Variants in DCC observed in about 807,000 individuals in gnomAD.
DCC encodes netrin receptor DCC.
In DCC, 58 loss-of-function variants were observed where a neutral mutation model predicts 172.5. The ratio of observed to expected loss-of-function variants is 0.34; its 90% confidence interval spans 0.27 to 0.42. The LOEUF (loss-of-function observed/expected upper bound fraction) is 0.42, where lower values mean the gene tolerates loss of function less well. Ranked by LOEUF, DCC falls within the 10% of genes least tolerant of loss-of-function variation. DCC has a pLI of 1.00. For synonymous variants in DCC, 709 were observed against 644.5 expected (o/e 1.10, Z -1.52); for missense variants, 1,740 against 1,791.0 (o/e 0.97, Z 0.51).
chr18:53,433,525 A>T (rs1911753302), intron 21 of DCC, among the ~76,000 whole-genome samples: 1 of 152,144 alleles, frequency 6.6e-6, no homozygotes, highest in Admixed American at 6.5e-5. Context: ...CTGCTTTGCA[A>T]TCTAGCTGCT....
intron 5 of DCC, among the ~76,000 whole-genome samples, chr18:52,955,765 A>G (rs1484146526): frequency 1.3e-5 from 2 of 151,928 alleles, no homozygotes; most frequent in South Asian, 2.1e-4. Flanking sequence ...ATGGTACCAC[A>G]TTTTTTGTTT....
intron 12 of DCC, among the ~76,000 whole-genome samples, chr18:53,290,613 G>A (rs552574758): frequency 1.3e-4 from 20 of 152,096 alleles, no homozygotes; most frequent in South Asian, 4.2e-4. Flanking sequence ...AAGATAGGCC[G>A]CTGTTAATAG....
intron 5 of DCC, among the ~76,000 whole-genome samples, chr18:52,925,994 C>G (rs1179783760): frequency 6.6e-6 from 1 of 151,746 alleles, no homozygotes; most frequent in Non-Finnish European, 1.5e-5. Context: ...CAAACAAACA[C>G]ATATTTTTAT....
At chr18:52,785,977 A>C (rs2037649463) in intron 2 of DCC, among the ~76,000 whole-genome samples, 1 of 152,136 alleles carries the variant, frequency 6.6e-6, no homozygotes, top group African/African-American at 2.4e-5. Context: ...GATAATAATT[A>C]AGCAAAATAC....
chr18:52,504,440 G>A (rs956936779), intron 1 of DCC, among the ~76,000 whole-genome samples: 6 of 152,162 alleles, frequency 3.9e-5, no homozygotes, highest in Middle Eastern at 3.4e-3. Flanking sequence ...AAGCAAGTTC[G>A]TTCAGCTTTG....
intron 2 of DCC, among the ~76,000 whole-genome samples, chr18:52,820,921 C>T (rs573359353): frequency 1.3e-5 from 2 of 152,266 alleles, no homozygotes; most frequent in Non-Finnish European, 2.9e-5. Context: ...CTTCCCTGAA[C>T]TCTGAACAGC....
chr18:53,108,177 A>G (rs951476406), intron 7 of DCC, among the ~76,000 whole-genome samples: 7 of 2,970 alleles, frequency 2.4e-3, no homozygotes, highest in Non-Finnish European at 4.3e-3. Flanking sequence ...AGACATACAC[A>G]GAAAAACACA....
rs530526885 is a variant in DCC at position 52,981,023 on chromosome 18, A to G, written c.985+55653A>G. Among the ~76,000 whole-genome samples the G allele has an allele frequency of 1.4e-4, 22 of 151,766 alleles. No individual in the cohort carries two copies. In the South Asian group the frequency reaches 3.5e-3, roughly 24 times the overall value. On this transcript the variant is annotated intron_variant, in intron 5 of 28. Coordinates refer to ENST00000442544, the MANE Select transcript of DCC (RefSeq NM_005215.4). ...GCCGGTATTTTCCAAATTTGAGCCT[A>G]TACATTTTTCTTTAAGAAAAGAAAT...
rs1911141178 is a variant in DCC at position 53,428,061 on chromosome 18, T to G, written c.3164-7083T>G. On this transcript the variant is annotated intron_variant, in intron 21 of 28. Coordinates refer to ENST00000442544, the MANE Select transcript of DCC (RefSeq NM_005215.4). Reference sequence around the variant, plus strand: ...TATAATAATATATTATAATAATGTGTCATATATCATATAATATATTATAAT... The same window carrying G: ...TATAATAATATATTATAATAATGTGGCATATATCATATAATATATTATAAT... Among the ~76,000 whole-genome samples the G allele has an allele frequency of 5.7e-5, 2 of 34,892 alleles. 1 individual carries two copies. Among genetic ancestry groups the G allele is most frequent in the Non-Finnish European group, 1.5e-4 (2 of 12,926 alleles). The allele number at this position is 34,892 out of a possible 152,430, so 22.9% of individuals were successfully genotyped here. A position where few individuals can be genotyped will look rare whatever the true frequency, so the allele number is the denominator to read the frequency against.
intron 1 of DCC, among the ~76,000 whole-genome samples, chr18:52,695,993 A>C (rs907603075): frequency 6.6e-6 from 1 of 152,188 alleles, no homozygotes; most frequent in Non-Finnish European, 1.5e-5. Flanking sequence ...CCATACTCAA[A>C]GTTTTTATTC....
At chr18:52,346,608 A>G (rs1208083744) in intron 1 of DCC, among the ~76,000 whole-genome samples, 1 of 152,184 alleles carries the variant, frequency 6.6e-6, no homozygotes, top group African/African-American at 2.4e-5. Flanking sequence ...TTCTTTTTCA[A>G]TATTGATGGG....
chr18:52,359,602 G>A (rs1324263790), intron 1 of DCC, among the ~76,000 whole-genome samples: 1 of 152,086 alleles, frequency 6.6e-6, no homozygotes, highest in Non-Finnish European at 1.5e-5. Flanking sequence ...AATTGAAGTA[G>A]CCATCCTGTG....
intron 28 of DCC, chr18:53,527,032 G>A: frequency 2.2e-6 from 1 of 444,608 alleles, no homozygotes; most frequent in South Asian, 2.1e-5. Context: ...AGAACGTGTG[G>A]TTTTACACCC....
chr18:53,154,349 C>T (rs116078999), intron 7 of DCC, among the ~76,000 whole-genome samples: 1,714 of 152,214 alleles, frequency 0.011, 34 homozygotes, highest in African/African-American at 0.038. Context: ...AGTACTTGAA[C>T]AAAAGTCCTC....
chr18:52,431,463 G>C (rs1444690467), intron 1 of DCC, among the ~76,000 whole-genome samples: 1 of 152,028 alleles, frequency 6.6e-6, no homozygotes, highest in East Asian at 1.9e-4. Context: ...TAGTGCCACG[G>C]ACTGTGCTAA....
At chr18:53,054,007 A>G (rs1191967365) in intron 5 of DCC, among the ~76,000 whole-genome samples, 1 of 151,996 alleles carries the variant, frequency 6.6e-6, no homozygotes, top group African/African-American at 2.4e-5. Context: ...TTTGTGGGGG[A>G]TAGGATCTAG....
chr18:52,558,891 T>A (rs1264576822), intron 1 of DCC, among the ~76,000 whole-genome samples: 1 of 152,166 alleles, frequency 6.6e-6, no homozygotes, highest in Non-Finnish European at 1.5e-5. Context: ...AAAGGAAGCC[T>A]CAGCTAACCC....
At chr18:52,499,868 C>A (rs2030951550) in intron 1 of DCC, among the ~76,000 whole-genome samples, 1 of 152,114 alleles carries the variant, frequency 6.6e-6, no homozygotes, top group African/African-American at 2.4e-5. Flanking sequence ...CCTCATAAAT[C>A]ATTCTCAAGG....
In DCC at chr18:52,664,423, C is replaced by T. The variant is rs555889283; in HGVS notation, c.92-87631C>T. Among the ~76,000 whole-genome samples, 5 of 151,478 alleles carry T rather than the reference C, an allele frequency of 3.3e-5. No individual in the cohort carries two copies. In the South Asian group the frequency reaches 1.0e-3, roughly 32 times the overall value. ...ATTTTAAATTATGTCCAGAAATGCT[C>T]CATAAATCAGTTCAGTGGCCCCAAA... On this transcript the variant is annotated intron_variant, in intron 1 of 28. Coordinates refer to ENST00000442544, the MANE Select transcript of DCC (RefSeq NM_005215.4).
Sources: allele counts gnomAD v4.1 joint callset (sites outside exome capture counted in the v4.1 genomes callset), GRCh38; gene constraint gnomAD v4.1.1; transcripts MANE v1.5; gene names NCBI Gene and HGNC (gene_info 2026-07-23, HGNC 2026-07-21).